Variants in GAS2 observed in about 807,000 individuals in gnomAD.
GAS2 encodes the protein growth arrest specific 2.
A neutral mutation model predicts 37.5 loss-of-function variants in GAS2; 20 were observed. The ratio of observed to expected loss-of-function variants is 0.53; its 90% CI spans 0.37 to 0.77. The LOEUF (loss-of-function observed/expected upper bound fraction) is 0.77. Ranked by LOEUF, GAS2 falls within the 30% of genes least tolerant of loss-of-function variation. The pLI, the probability that GAS2 is intolerant of heterozygous loss-of-function variation, is 0.00. For synonymous variants in GAS2, 144 were observed against 132.2 expected (o/e 1.09, Z -0.61); for missense variants, 336 against 373.4 (o/e 0.90, Z 0.82).
In GAS2 at chr11:22,675,610, G is replaced by C. The variant is rs1238624678; in HGVS notation, c.145+596G>C. ...TAAAGATTCCTCTCCTTTTGTTGCT[G>C]TTGTGCTTTCATATTCCCAGGATAA... is the stretch of plus-strand genomic sequence containing the variant. On this transcript the variant is annotated intron_variant, in intron 2 of 7. Coordinates refer to ENST00000454584, the MANE Select transcript of GAS2 (RefSeq NM_001143830.3). Among the ~76,000 whole-genome samples the C allele has an allele frequency of 2.6e-5, 4 of 152,056 alleles. No individual in the cohort carries two copies. In the East Asian group the frequency reaches 7.7e-4, roughly 29 times the overall value.
At chr11:22,662,842 G>A (rs147807384), upstream of GAS2, among the ~76,000 whole-genome samples, 19 of 151,960 alleles carry the variant, frequency 1.3e-4, 1 homozygote, top group Admixed American at 2.6e-4. Context: ...AACATAGTGG[G>A]ACTGTGTCCC....
chr11:22,648,387 G>A (rs1848730065), intron 1 of GAS2, among the ~76,000 whole-genome samples: 1 of 152,204 alleles, frequency 6.6e-6, no homozygotes, highest in African/African-American at 2.4e-5. Flanking sequence ...TTTTGGCTTA[G>A]GATTGACTTG....
chr11:22,785,970 T>C, intron 7 of GAS2, among the ~76,000 whole-genome samples: 1 of 152,102 alleles, frequency 6.6e-6, no homozygotes, highest in South Asian at 2.1e-4. Flanking sequence ...AAGGATATAA[T>C]AAATTCAAGG....
chr11:22,635,103 G>T (rs1858803694), intron 1 of GAS2, among the ~76,000 whole-genome samples: 1 of 152,164 alleles, frequency 6.6e-6, no homozygotes, highest in Non-Finnish European at 1.5e-5. Flanking sequence ...TGGGATTTGT[G>T]CTCCTCTTAT....
At chr11:22,784,883 G>A (rs932512162) in intron 7 of GAS2, among the ~76,000 whole-genome samples, 1 of 152,104 alleles carries the variant, frequency 6.6e-6, no homozygotes, top group East Asian at 1.9e-4. Flanking sequence ...TAAGATCTGA[G>A]GTCATGGTTT....
chr11:22,701,251 A>G (rs181137781), intron 3 of GAS2, among the ~76,000 whole-genome samples: 2 of 152,294 alleles, frequency 1.3e-5, no homozygotes, highest in Admixed American at 1.3e-4. Flanking sequence ...TCAATCTTTT[A>G]TAATATTGAA....
At chr11:22,659,026 T>G (rs1308726860) in intron 1 of GAS2, among the ~76,000 whole-genome samples, 1 of 152,204 alleles carries the variant, frequency 6.6e-6, no homozygotes, top group Non-Finnish European at 1.5e-5. Context: ...AGTATAGTTT[T>G]AAGGAGATGC....
chr11:22,699,505 T>G (rs896143921), intron 3 of GAS2, among the ~76,000 whole-genome samples: 15 of 152,124 alleles, frequency 9.9e-5, no homozygotes, highest in Non-Finnish European at 2.1e-4. Context: ...TTGGAGGGCT[T>G]AAGAATTAGA....
chr11:22,683,236 A>G (rs980607352), intron 2 of GAS2, among the ~76,000 whole-genome samples: 3 of 152,092 alleles, frequency 2.0e-5, no homozygotes, highest in African/African-American at 7.2e-5. Context: ...TTTAACTTAA[A>G]TGGTTCATCT....
intron 1 of GAS2, among the ~76,000 whole-genome samples, chr11:22,643,217 C>T (rs1176529417): frequency 6.6e-6 from 1 of 151,916 alleles, no homozygotes; most frequent in Non-Finnish European, 1.5e-5. Flanking sequence ...ATCTTGAATT[C>T]ATGAGAGATG....
At chr11:22,687,253 G>A (rs575646145) in intron 3 of GAS2, among the ~76,000 whole-genome samples, 1 of 152,238 alleles carries the variant, frequency 6.6e-6, no homozygotes, top group Non-Finnish European at 1.5e-5. Context: ...ATTGAGCCCA[G>A]GAGGTTGAGG....
intron 1 of GAS2, among the ~76,000 whole-genome samples, chr11:22,632,767 T>A (rs934485563): frequency 5.2e-4 from 79 of 151,992 alleles, no homozygotes; most frequent in Non-Finnish European, 8.4e-4. Flanking sequence ...TTTTTTTTTT[T>A]ATTTTTGTGT....
At chr11:22,710,387 A>G (rs947644500) in intron 3 of GAS2, among the ~76,000 whole-genome samples, 1 of 152,088 alleles carries the variant, frequency 6.6e-6, no homozygotes, top group African/African-American at 2.4e-5. Flanking sequence ...CTCTGAATTC[A>G]CAATTTGCTG....
At chr11:22,707,024 A>G in intron 3 of GAS2, among the ~76,000 whole-genome samples, 1 of 152,102 alleles carries the variant, frequency 6.6e-6, no homozygotes, top group East Asian at 1.9e-4. Flanking sequence ...AATGATTGCC[A>G]TTCTAACTGG....
rs975082438 is a variant in GAS2 at position 22,641,340 on chromosome 11, A to G, written c.-21+15527A>G. ...TATATATCTTTATATATATATTTAT[A>G]TATGTCTTTATATATATTTTATTAT... On this transcript the variant is annotated intron_variant, in intron 1 of 5. Transcript: ENST00000528582. Among the ~76,000 whole-genome samples, 12 of 146,334 alleles carry G rather than the reference A, an allele frequency of 8.2e-5. No homozygotes were observed. In the East Asian group the frequency reaches 2.4e-3, roughly 29 times the overall value.
At chr11:22,683,375 C>T (rs1214424008) in intron 2 of GAS2, among the ~76,000 whole-genome samples, 2 of 152,144 alleles carry the variant, frequency 1.3e-5, no homozygotes, top group Admixed American at 6.5e-5. Context: ...AAGCCACTCT[C>T]CTGCCTTATC....
chr11:22,656,756 A>G (rs551411614), intron 1 of GAS2, among the ~76,000 whole-genome samples: 1 of 152,096 alleles, frequency 6.6e-6, no homozygotes, highest in Non-Finnish European at 1.5e-5. Flanking sequence ...GATATTGCTT[A>G]TTACTTTCTC....
At chr11:22,681,951 A>C (rs1849702508) in intron 2 of GAS2, among the ~76,000 whole-genome samples, 1 of 152,074 alleles carries the variant, frequency 6.6e-6, no homozygotes, top group Non-Finnish European at 1.5e-5. Flanking sequence ...TTGTAATCAT[A>C]AAGTATATAT....
chr11:22,737,327 A>T (rs1852806516), intron 4 of GAS2, among the ~76,000 whole-genome samples: 1 of 152,054 alleles, frequency 6.6e-6, no homozygotes, highest in Non-Finnish European at 1.5e-5. Flanking sequence ...CATAGTTGTG[A>T]TTTGTGTTTT....
Sources: allele counts gnomAD v4.1 joint callset (sites outside exome capture counted in the v4.1 genomes callset), GRCh38; gene constraint gnomAD v4.1.1; transcripts MANE v1.5; gene names NCBI Gene and HGNC (gene_info 2026-07-23, HGNC 2026-07-21).